PAQR5: variants seen among roughly 807,000 people sequenced by gnomAD.
PAQR5 encodes the protein progestin and adipoQ receptor family member 5, also known as membrane progestin receptor gamma.
A neutral mutation model predicts 34.5 loss-of-function variants in PAQR5; 20 were observed. The ratio of observed to expected loss-of-function variants is 0.58; its 90% CI spans 0.41 to 0.84. The LOEUF (loss-of-function observed/expected upper bound fraction) is 0.84. Among genes scored for constraint, PAQR5 ranks in the 40% least tolerant of loss-of-function variants. The pLI is 0.00. For missense variants in PAQR5, 378 were observed against 412.7 expected (o/e 0.92, Z 0.73); for synonymous variants, 131 against 155.6 (o/e 0.84, Z 1.18).
rs766302444 is a variant in PAQR5 at position 69,400,118 on chromosome 15, G to A, written c.751+3G>A. ...CCCTGGACGCTTTGACTACATCGGT[G>A]AGTGGGCAACAGCCCTGCTGCTCTG... On this transcript the variant is annotated splice_donor_region_variant and intron_variant, in intron 8 of 8. Transcript: ENST00000395407. 6.2e-7 allele frequency: 1 copy of A among 1,611,446 alleles called. No homozygotes were observed. Among genetic ancestry groups the A allele is most frequent in the Admixed American group, 1.7e-5 (1 of 59,692 alleles).
At chr15:69,319,876 CT>C (rs2054053993) in intron 1 of PAQR5, among the ~76,000 whole-genome samples, 1 of 152,210 alleles carries the variant, frequency 6.6e-6, no homozygotes, top group Non-Finnish European at 1.5e-5. Context: ...CCTGCTGCCC[CT>C]GGACATGTGA....
intron 6 of PAQR5, chr15:69,397,087 G>A (rs1390900263): frequency 1.4e-5 from 6 of 438,204 alleles, no homozygotes; most frequent in Admixed American, 1.2e-4. Context: ...AAGAGTCTGT[G>A]GCAGTGGATC....
rs1399469298 is a variant in PAQR5, at chr15:69,298,986, G to A, written c.-347G>A. ...GGGGTCGCCGCAGCCCGGGAGGAGT[G>A]TCTGGTCTCCGGCCTGCCTGTGCTG... On this transcript the variant is annotated 5_prime_UTR_variant, in exon 1 of 9. Transcript: ENST00000395407. The A allele has an allele frequency of 6.6e-6, 1 of 151,992 alleles. No individual in the cohort carries two copies. Among genetic ancestry groups the A allele is most frequent in the African/African-American group, 2.4e-5 (1 of 41,398 alleles). The allele number at this position is 151,992 out of a possible 1,614,324, so 9.4% of individuals were successfully genotyped here. A position where few individuals can be genotyped will look rare whatever the true frequency, so the allele number is the denominator to read the frequency against.
At chr15:69,331,049 T>A (rs1237559745) in intron 1 of PAQR5, among the ~76,000 whole-genome samples, 2 of 152,186 alleles carry the variant, frequency 1.3e-5, no homozygotes, top group Non-Finnish European at 2.9e-5. Context: ...TGTACATCGA[T>A]CTAATTGCAA....
chr15:69,400,293 A>G (rs549054557), intron 8 of PAQR5, among the ~76,000 whole-genome samples, 178 bp downstream of exon 8: 1 of 152,354 alleles, frequency 6.6e-6, no homozygotes, highest in Admixed American at 6.5e-5. Flanking sequence ...ATTGTTAGGT[A>G]GCATGGGCAG....
At chr15:69,365,769 G>A (rs912670636) in intron 3 of PAQR5, among the ~76,000 whole-genome samples, 3 of 152,106 alleles carry the variant, frequency 2.0e-5, no homozygotes, top group Non-Finnish European at 4.4e-5. Flanking sequence ...ATACATTCCC[G>A]AGTAGTTGGT....
At chr15:69,322,751 A>AGATGAG (rs779926347) in intron 1 of PAQR5, among the ~76,000 whole-genome samples, 2 of 25,596 alleles carry the variant, frequency 7.8e-5, no homozygotes, top group Non-Finnish European at 1.8e-4. Context: ...AAGAAGAAGA[A>AGATGAG]GAAGAAGAAG....
chr15:69,341,031 C>A (rs778801339), intron 2 of PAQR5, among the ~76,000 whole-genome samples: 26 of 152,120 alleles, frequency 1.7e-4, no homozygotes, highest in Non-Finnish European at 3.2e-4. Flanking sequence ...TAAAATTTAT[C>A]ATGCTAAGCA....
intron 4 of PAQR5, among the ~76,000 whole-genome samples, chr15:69,381,977 T>C (rs2055896202): frequency 6.6e-6 from 1 of 152,140 alleles, no homozygotes; most frequent in Admixed American, 6.5e-5. Context: ...CGGGACCTCA[T>C]GCGTGGATTG....
At chr15:69,304,676 T>C (rs899671503) in intron 1 of PAQR5, among the ~76,000 whole-genome samples, 2 of 152,164 alleles carry the variant, frequency 1.3e-5, no homozygotes, top group Admixed American at 6.5e-5. Flanking sequence ...GCTATGGACT[T>C]AAGGGGTGAG....
chr15:69,398,204 G>C (rs1046771568), intron 7 of PAQR5, among the ~76,000 whole-genome samples: 9 of 152,162 alleles, frequency 5.9e-5, no homozygotes, highest in Admixed American at 2.0e-4. Flanking sequence ...TGTTAGTATT[G>C]AAGGAAAAGG....
intron 2 of PAQR5, among the ~76,000 whole-genome samples, chr15:69,354,241 T>C (rs951304995): frequency 2.0e-5 from 3 of 152,178 alleles, no homozygotes; most frequent in African/African-American, 7.2e-5. Flanking sequence ...AAGATAGTTA[T>C]CAATACCAGC....
rs1206834421 is a variant in PAQR5 at position 69,365,076 on chromosome 15, TA to T, written c.51+4946del. 4.7e-3 allele frequency among the ~76,000 whole-genome samples: 11 copies of T among 2,336 alleles called. No homozygotes were observed. In the Admixed American group the frequency reaches 0.13, roughly 28 times the overall value. The allele number at this position is 2,336 out of a possible 152,430, so 1.5% of individuals were successfully genotyped here. On this transcript the variant is annotated intron_variant, in intron 3 of 8. Transcript: ENST00000395407. ...TATTTTATTTTATTTTATTTTATTTTATTTTATTTTATTTTATTTTATTTTA... is the reference window on the plus strand; with the variant it reads ...TATTTTATTTTATTTTATTTTATTTTTTTTATTTTATTTTATTTTATTTTA...
intron 1 of PAQR5, among the ~76,000 whole-genome samples, chr15:69,307,864 G>A (rs1408077928): frequency 2.0e-5 from 3 of 152,224 alleles, no homozygotes; most frequent in Admixed American, 6.5e-5. Context: ...CAGGATTCTG[G>A]TTTGTTGGCT....
chr15:69,335,965 AT>A (rs1244309637), intron 1 of PAQR5, among the ~76,000 whole-genome samples: 1 of 152,172 alleles, frequency 6.6e-6, no homozygotes, highest in Middle Eastern at 3.2e-3. Context: ...TTTGAAGACG[AT>A]TTTTATGTAA....
rs553696055 is a variant in PAQR5, at chr15:69,402,341, G to A, written c.752-1240G>A. Among the ~76,000 whole-genome samples, 17 of 149,890 alleles carry A rather than the reference G, an allele frequency of 1.1e-4. No individual in the cohort carries two copies. In the East Asian group the frequency reaches 3.3e-3, roughly 29 times the overall value. The stretch of plus-strand genomic sequence containing the variant: ...TCTTTCTTTTTTTTTTTTTTGAGAC[G>A]GAGTCTCGCTCTGTCGCCTAGGCTG... On this transcript the variant is annotated intron_variant, in intron 8 of 8. Transcript: ENST00000395407.
intron 1 of PAQR5, among the ~76,000 whole-genome samples, chr15:69,331,301 C>T (rs1339499742): frequency 6.6e-6 from 1 of 152,186 alleles, no homozygotes; most frequent in African/African-American, 2.4e-5. Flanking sequence ...GTCTGTTCAG[C>T]TCCTGCGGGG....
chr15:69,339,962 G>A (rs953970723), intron 2 of PAQR5, among the ~76,000 whole-genome samples: 25 of 152,162 alleles, frequency 1.6e-4, no homozygotes, highest in African/African-American at 6.0e-4. Flanking sequence ...TGCCTCCCGG[G>A]TTCAAGCGAT....
chr15:69,375,362 G>A (rs1258477521), intron 3 of PAQR5, among the ~76,000 whole-genome samples: 1 of 152,106 alleles, frequency 6.6e-6, no homozygotes, highest in Non-Finnish European at 1.5e-5. Context: ...CACCCTAATG[G>A]CCTCTTGAAA....
Sources: gnomAD v4.1 joint callset for allele counts (sites outside exome capture counted in the v4.1 genomes callset) on GRCh38, gnomAD v4.1.1 for gene constraint, MANE v1.5 for transcripts, NCBI Gene and HGNC (gene_info 2026-07-23, HGNC 2026-07-21) for gene names.